Variants in PEX5L observed in about 807,000 individuals in gnomAD.
PEX5L encodes PEX5-related protein.
A neutral mutation model predicts 84.0 loss-of-function variants in PEX5L; 30 were observed. That is an observed-to-expected ratio of 0.36 (90% confidence interval 0.27 to 0.48). The LOEUF is 0.48. Ranked by LOEUF, PEX5L falls within the 20% of genes least tolerant of loss-of-function variation. PEX5L has a pLI of 0.99. For synonymous variants in PEX5L, 270 were observed against 283.1 expected, an observed-to-expected ratio of 0.95 and a Z score of 0.46; for missense variants, 533 against 754.6, an observed-to-expected ratio of 0.71 and a Z score of 3.44.
intron 1 of PEX5L, among the ~76,000 whole-genome samples, chr3:179,996,125 AG>A (rs1787868733): frequency 6.6e-6 from 1 of 152,182 alleles, no homozygotes; most frequent in Non-Finnish European, 1.5e-5. Flanking sequence ...GATTCTCATC[AG>A]GAGCCACCCC....
At chr3:179,823,037 C>G (rs993252711) in intron 8 of PEX5L, among the ~76,000 whole-genome samples, 6 of 152,132 alleles carry the variant, frequency 3.9e-5, no homozygotes, top group African/African-American at 1.4e-4. Flanking sequence ...TGAGAAAATG[C>G]ATCCGTGGCA....
intron 1 of PEX5L, among the ~76,000 whole-genome samples, chr3:180,000,081 T>C (rs569296833): frequency 9.8e-5 from 15 of 152,290 alleles, no homozygotes; most frequent in African/African-American, 3.6e-4. Flanking sequence ...CCTCTAGTGA[T>C]CCACTAGCAA....
intron 1 of PEX5L, among the ~76,000 whole-genome samples, chr3:180,007,900 C>T (rs542182699): frequency 6.6e-6 from 1 of 152,274 alleles, no homozygotes; most frequent in South Asian, 2.1e-4. Flanking sequence ...GGCCTCTGGG[C>T]CTGTGATGGG....
intron 1 of PEX5L, among the ~76,000 whole-genome samples, chr3:179,981,172 C>A (rs1419571957): frequency 6.6e-6 from 1 of 152,098 alleles, no homozygotes; most frequent in Non-Finnish European, 1.5e-5. Flanking sequence ...GTGGCTGGAA[C>A]AGAGTTGCCC....
intron 1 of PEX5L, among the ~76,000 whole-genome samples, chr3:179,979,835 T>G: frequency 6.6e-6 from 1 of 152,228 alleles, no homozygotes; most frequent in East Asian, 1.9e-4. Flanking sequence ...TAGATGGGGA[T>G]GAAACCTTGT....
At chr3:179,971,476 T>A in intron 2 of PEX5L, 118 bp downstream of exon 2, 1 of 1,293,522 alleles carries the variant, frequency 7.7e-7, no homozygotes, top group Non-Finnish European at 9.8e-7. Flanking sequence ...AATCTTGTTA[T>A]GCAGGCTTTA....
chr3:179,991,693 G>A (rs1476837183), intron 1 of PEX5L, among the ~76,000 whole-genome samples: 4 of 152,018 alleles, frequency 2.6e-5, no homozygotes, highest in Non-Finnish European at 4.4e-5. Context: ...TTCCATCTCT[G>A]ACTCTCCCTC....
At position 179,963,527 on chromosome 3, in the gene PEX5L, G is replaced by A. The variant is rs112061692; in HGVS notation, c.93+8067C>T. 2.8e-4 allele frequency among the ~76,000 whole-genome samples: 42 copies of A among 152,220 alleles called. 2 individuals are homozygous for A. The highest frequency in any genetic ancestry group is 7.2e-4 in the Admixed American group (11 of 15,278). On this transcript the variant is annotated intron_variant, in intron 2 of 14. Coordinates refer to ENST00000467460, the MANE Select transcript of PEX5L (RefSeq NM_016559.3). ...TAAAATGGGAGAGAAACAGAGGAGAGCACATAGGACTCTTCCTGGATCTTA... is the reference window on the plus strand; with the variant it reads ...TAAAATGGGAGAGAAACAGAGGAGAACACATAGGACTCTTCCTGGATCTTA...
intron 2 of PEX5L, among the ~76,000 whole-genome samples, chr3:179,956,468 G>A (rs1179098519): frequency 6.6e-6 from 1 of 152,070 alleles, no homozygotes; most frequent in Admixed American, 6.6e-5. Context: ...CATACAAGTT[G>A]CTTAGACTTC....
intron 1 of PEX5L, among the ~76,000 whole-genome samples, chr3:180,032,090 T>C (rs1285670813): frequency 6.6e-6 from 1 of 152,224 alleles, no homozygotes; most frequent in Non-Finnish European, 1.5e-5. Flanking sequence ...ACAACTATTA[T>C]AACTTTCAAG....
intron 1 of PEX5L, among the ~76,000 whole-genome samples, chr3:180,023,851 C>G (rs1790653479): frequency 6.8e-6 from 1 of 147,212 alleles, no homozygotes; most frequent in Admixed American, 6.6e-5. Context: ...TACCTAGCTC[C>G]TTGGTAGAGG....
intron 2 of PEX5L, among the ~76,000 whole-genome samples, chr3:179,918,704 T>C (rs1768146968): frequency 6.6e-6 from 1 of 152,176 alleles, no homozygotes; most frequent in African/African-American, 2.4e-5. Context: ...TGCAGGAAGT[T>C]AATATTGTGG....
intron 1 of PEX5L, among the ~76,000 whole-genome samples, chr3:179,993,950 A>T (rs1465022880): frequency 6.6e-6 from 1 of 152,228 alleles, no homozygotes; most frequent in Non-Finnish European, 1.5e-5. Context: ...GCAGTTGCTT[A>T]AGTCTACAGA....
At chr3:179,865,133 C>T (rs930154754) in intron 7 of PEX5L, among the ~76,000 whole-genome samples, 1 of 152,224 alleles carries the variant, frequency 6.6e-6, no homozygotes, top group Admixed American at 6.5e-5. Context: ...AGTTCATATT[C>T]TCTTTGCCAC....
chr3:179,948,554 G>A (rs565965844), intron 2 of PEX5L, among the ~76,000 whole-genome samples: 21 of 152,302 alleles, frequency 1.4e-4, no homozygotes, highest in African/African-American at 4.8e-4. Context: ...ACAATTAGAC[G>A]TGTGGATCCA....
intron 1 of PEX5L, among the ~76,000 whole-genome samples, chr3:180,008,217 T>C (rs1377413240): frequency 6.6e-6 from 1 of 152,102 alleles, no homozygotes; most frequent in Non-Finnish European, 1.5e-5. Flanking sequence ...ATTCCACAAA[T>C]CTCTAGGGCA....
Position 179,999,175 on chromosome 3 carries a change from G to A in PEX5L, c.22-27510C>T, listed in dbSNP as rs144857935. On this transcript the variant is annotated intron_variant, in intron 1 of 14. Coordinates refer to ENST00000467460, the MANE Select transcript of PEX5L (RefSeq NM_016559.3). ...TTGGAAGAAGCATGATTGGAAAATT[G>A]GTGACAAAGAAATTTGGGGAAAAGG... Among the ~76,000 whole-genome samples, 28 of 152,308 alleles carry A rather than the reference G, an allele frequency of 1.8e-4. No individual in the cohort carries two copies. The East Asian group carries it at 5.0e-3, about 27-fold the overall frequency.
intron 2 of PEX5L, among the ~76,000 whole-genome samples, chr3:179,943,529 C>T (rs1478066438): frequency 1.3e-5 from 2 of 152,206 alleles, no homozygotes; most frequent in South Asian, 2.1e-4. Flanking sequence ...TCCAATTAGT[C>T]GAATCCTTTC....
intron 1 of PEX5L, among the ~76,000 whole-genome samples, chr3:180,018,970 T>C (rs1463587305): frequency 6.6e-6 from 1 of 152,188 alleles, no homozygotes; most frequent in Non-Finnish European, 1.5e-5. Flanking sequence ...GCCACAGAAA[T>C]CAATACAATC....
Sources: allele counts gnomAD v4.1 joint callset (sites outside exome capture counted in the v4.1 genomes callset), GRCh38; gene constraint gnomAD v4.1.1; transcripts MANE v1.5; gene names NCBI Gene and HGNC (gene_info 2026-07-23, HGNC 2026-07-21).